CAPN5: variants seen among roughly 807,000 people sequenced by gnomAD.
CAPN5 encodes the protein calpain-5.
Under a neutral mutation model 73.0 loss-of-function variants are expected in CAPN5, and 54 were observed. That is an observed-to-expected ratio of 0.74 (90% CI 0.59 to 0.93). The LOEUF (loss-of-function observed/expected upper bound fraction) is 0.93, where lower values mean the gene tolerates loss of function less well. Among genes scored for constraint, CAPN5 ranks in the 40% least tolerant of loss-of-function variants. The pLI is 0.00. For synonymous variants in CAPN5, 335 were observed against 356.9 expected (o/e 0.94, Z 0.69); for missense variants, 785 against 882.9 (o/e 0.89, Z 1.41).
chr11:77,075,540 C>T (rs1187022240), intron 1 of CAPN5, among the ~76,000 whole-genome samples: 2 of 152,238 alleles, frequency 1.3e-5, no homozygotes, highest in African/African-American at 4.8e-5. Flanking sequence ...CACTCCGCCT[C>T]CCTTCCCTTT....
chr11:77,120,682 C>G, intron 9 of CAPN5, 31 bp from the exon 10 acceptor site: 1 of 1,544,422 alleles, frequency 6.5e-7, no homozygotes, highest in Non-Finnish European at 8.8e-7. Flanking sequence ...GGTGTGTCTC[C>G]GCGTGGCCCA....
At chr11:77,099,745 GGGAGAC>G (rs1555038442) in intron 3 of CAPN5, among the ~76,000 whole-genome samples, 3 of 148,602 alleles carry the variant, frequency 2.0e-5, no homozygotes, top group South Asian at 2.1e-4. Flanking sequence ...GAGAGGGAGA[GGGAGAC>G]GGAGAGGGAG....
chr11:77,118,028 TC>T (rs1950484962), intron 7 of CAPN5, 128 bp from the exon 8 acceptor site: 1 of 769,344 alleles, frequency 1.3e-6, no homozygotes, highest in African/African-American at 1.7e-5. Context: ...TGGGCTTAGC[TC>T]CCCTCTCAAA....
chr11:77,068,018 C>T (rs1218370464), intron 1 of CAPN5, among the ~76,000 whole-genome samples: 1 of 152,068 alleles, frequency 6.6e-6, no homozygotes, highest in Non-Finnish European at 1.5e-5. Context: ...GTACTGAGGG[C>T]GACTATCCCA....
intron 3 of CAPN5, among the ~76,000 whole-genome samples, chr11:77,107,310 C>T (rs1295594789): frequency 6.6e-6 from 1 of 152,198 alleles, no homozygotes; most frequent in East Asian, 1.9e-4. Context: ...TTGGGTTATA[C>T]AGGAAACCTC....
At chr11:77,087,888 G>A (rs1251976318) in intron 2 of CAPN5, 3 of 1,535,398 alleles carry the variant, frequency 2.0e-6, no homozygotes, top group Non-Finnish European at 1.7e-6. Context: ...CTGGGCACCT[G>A]CCTTCAGCCC....
intron 3 of CAPN5, among the ~76,000 whole-genome samples, chr11:77,107,800 G>A (rs1565272763): frequency 1.3e-5 from 2 of 152,234 alleles, no homozygotes; most frequent in Admixed American, 1.3e-4. Flanking sequence ...CATGCAGTAG[G>A]TGATGGGGAG....
intron 1 of CAPN5, among the ~76,000 whole-genome samples, chr11:77,067,582 A>C (rs78363234): frequency 0.01 from 1,483 of 144,504 alleles, 22 homozygotes; most frequent in African/African-American, 0.037. Context: ...TCTTGGCACT[A>C]CTCCCCAGGT....
chr11:77,076,987 C>T (rs1949977023), intron 1 of CAPN5, among the ~76,000 whole-genome samples: 3 of 152,212 alleles, frequency 2.0e-5, no homozygotes, highest in Non-Finnish European at 4.4e-5. Flanking sequence ...CCACCAACAG[C>T]GTACAAGGGT....
At chr11:77,103,292 C>T (rs781808147) in intron 3 of CAPN5, 35 of 1,612,434 alleles carry the variant, frequency 2.2e-5, no homozygotes, top group African/African-American at 1.7e-4. Context: ...GTGTGGAGCC[C>T]GCCAACCTCA....
intron 2 of CAPN5, among the ~76,000 whole-genome samples, 178 bp from the exon 3 acceptor site, chr11:77,093,504 C>T (rs781984595): frequency 1.1e-4 from 17 of 152,032 alleles, no homozygotes; most frequent in South Asian, 2.1e-4. Context: ...GGGGGGCAAG[C>T]GGGGAGCAGA....
At chr11:77,084,194 G>T (rs1555035010) in intron 1 of CAPN5, among the ~76,000 whole-genome samples, 1 of 152,194 alleles carries the variant, frequency 6.6e-6, no homozygotes, top group Non-Finnish European at 1.5e-5. Flanking sequence ...TGTGTCCCTT[G>T]CACTTGGTCA....
chr11:77,090,524 G>A (rs1161948965), intron 2 of CAPN5, among the ~76,000 whole-genome samples: 1 of 152,296 alleles, frequency 6.6e-6, no homozygotes, highest in African/African-American at 2.4e-5. Context: ...CATCGGATCC[G>A]TCCACTTACT....
intron 1 of CAPN5, among the ~76,000 whole-genome samples, chr11:77,074,521 A>G (rs1949947590): frequency 6.6e-6 from 1 of 152,152 alleles, no homozygotes; most frequent in Non-Finnish European, 1.5e-5. Flanking sequence ...CTCATCAGCC[A>G]GCTCAGCGCC....
intron 1 of CAPN5, among the ~76,000 whole-genome samples, chr11:77,074,409 C>T (rs1392845624): frequency 2.0e-5 from 3 of 152,322 alleles, no homozygotes; most frequent in Admixed American, 6.5e-5. Flanking sequence ...TCTCCCTGTG[C>T]CACATTGTAC....
At chr11:77,080,395 G>A (rs1950016213) in intron 1 of CAPN5, among the ~76,000 whole-genome samples, 1 of 152,128 alleles carries the variant, frequency 6.6e-6, no homozygotes, top group Non-Finnish European at 1.5e-5. Flanking sequence ...TTATTCCCCT[G>A]GGGCTGATGC....
chr11:77,073,563 AG>A (rs1305572526), intron 1 of CAPN5, among the ~76,000 whole-genome samples: 2 of 152,138 alleles, frequency 1.3e-5, no homozygotes, highest in Non-Finnish European at 2.9e-5. Context: ...GTGAGGCACC[AG>A]GGGACATCAC....
chr11:77,118,974 C>G, intron 8 of CAPN5, 56 bp from the exon 9 acceptor site: 1 of 1,564,000 alleles, frequency 6.4e-7, no homozygotes, highest in Middle Eastern at 1.7e-4. Context: ...CCAGCCAGCC[C>G]ATGCCTGGTG....
chr11:77,116,373 G>A, intron 7 of CAPN5, 70 bp downstream of exon 7: 4 of 1,281,278 alleles, frequency 3.1e-6, no homozygotes, highest in Middle Eastern at 2.0e-4. Flanking sequence ...GGAGCACCAG[G>A]TGGGGAGTCA....
Sources: gnomAD v4.1 joint callset for allele counts (sites outside exome capture counted in the v4.1 genomes callset) on GRCh38, gnomAD v4.1.1 for gene constraint, MANE v1.5 for transcripts, NCBI Gene and HGNC (gene_info 2026-07-23, HGNC 2026-07-21) for gene names.